The following ABTB3 variants were observed in gnomAD, a reference collection of about 807,000 sequenced individuals.
ABTB3 encodes ankyrin repeat and BTB domain containing 3.
At chr12:107,414,702 C>G in the ABTB3 span, among the ~76,000 whole-genome samples, 2 of 151,086 alleles carry the variant, frequency 1.3e-5, no homozygotes, top group Non-Finnish European at 2.9e-5. Flanking sequence ...CCATCCCCCC[C>G]TTTCTTTTCT....
chr12:107,441,094 G>T, the ABTB3 span, among the ~76,000 whole-genome samples: 1 of 152,128 alleles, frequency 6.6e-6, no homozygotes, highest in African/African-American at 2.4e-5. Context: ...GGGGTTGGTG[G>T]GCCTGTGATT....
chr12:107,596,709 G>A, the ABTB3 span, among the ~76,000 whole-genome samples: 1 of 152,066 alleles, frequency 6.6e-6, no homozygotes, highest in Admixed American at 6.6e-5. Context: ...AAAACCCCTA[G>A]AGTTTTCCCC....
At chr12:107,320,619 C>A in the ABTB3 span, 2 of 455,978 alleles carry the variant, frequency 4.4e-6, no homozygotes, top group Non-Finnish European at 8.8e-6. Flanking sequence ...GCTTGCACGG[C>A]CTAGACAGTC....
chr12:107,597,768 G>T, the ABTB3 span, among the ~76,000 whole-genome samples: 1 of 152,300 alleles, frequency 6.6e-6, no homozygotes, highest in African/African-American at 2.4e-5. Flanking sequence ...ATTGCAGGCT[G>T]GTGGGGTGAC....
At chr12:107,362,688 G>A in the ABTB3 span, among the ~76,000 whole-genome samples, 4 of 152,056 alleles carry the variant, frequency 2.6e-5, no homozygotes, top group Admixed American at 6.6e-5. Flanking sequence ...AGCTACTTGG[G>A]AGTCTGAGGT....
At chr12:107,332,687 C>T in the ABTB3 span, among the ~76,000 whole-genome samples, 3 of 152,034 alleles carry the variant, frequency 2.0e-5, no homozygotes, top group East Asian at 1.9e-4. Flanking sequence ...CAGCAGAGGC[C>T]GGGGTTGAAC....
the ABTB3 span, among the ~76,000 whole-genome samples, chr12:107,525,355 G>C: frequency 9.4e-6 from 1 of 106,566 alleles, no homozygotes; most frequent in South Asian, 3.1e-4. Context: ...AAAAAAGAAA[G>C]AAAGAAGGAA....
At chr12:107,402,060 A>G in the ABTB3 span, among the ~76,000 whole-genome samples, 1 of 151,992 alleles carries the variant, frequency 6.6e-6, no homozygotes, top group South Asian at 2.1e-4. Flanking sequence ...AATTATGATA[A>G]CAGCCACCAT....
At chr12:107,480,620 A>G in the ABTB3 span, among the ~76,000 whole-genome samples, 2 of 152,184 alleles carry the variant, frequency 1.3e-5, no homozygotes, top group African/African-American at 4.8e-5. Flanking sequence ...AAGATCTGAA[A>G]GAATTAAGCC....
the ABTB3 span, among the ~76,000 whole-genome samples, chr12:107,557,181 T>C: frequency 6.6e-6 from 1 of 152,204 alleles, no homozygotes; most frequent in African/African-American, 2.4e-5. Flanking sequence ...TGTGGGAACA[T>C]TGTAGAGTGT....
chr12:107,633,126 C>G, the ABTB3 span, among the ~76,000 whole-genome samples: 2 of 152,196 alleles, frequency 1.3e-5, no homozygotes, highest in Non-Finnish European at 2.9e-5. Flanking sequence ...TTTGTCCCCC[C>G]AGAATTTAAA....
the ABTB3 span, among the ~76,000 whole-genome samples, chr12:107,341,840 G>A: frequency 6.6e-6 from 1 of 152,110 alleles, no homozygotes; most frequent in Non-Finnish European, 1.5e-5. Flanking sequence ...CCTTTTAAAA[G>A]GGTGTGGCAC....
At chr12:107,602,227 A>T in the ABTB3 span, among the ~76,000 whole-genome samples, 1 of 152,158 alleles carries the variant, frequency 6.6e-6, no homozygotes, top group East Asian at 1.9e-4. Flanking sequence ...TCACAAAACC[A>T]TGCTGGACAG....
the ABTB3 span, among the ~76,000 whole-genome samples, chr12:107,493,960 A>C: frequency 3.3e-5 from 5 of 152,212 alleles, no homozygotes; most frequent in African/African-American, 9.6e-5. Context: ...GGAGACAAGA[A>C]ATGTCTGTTG....
chr12:107,541,858 C>T, the ABTB3 span, among the ~76,000 whole-genome samples: 15 of 151,906 alleles, frequency 9.9e-5, no homozygotes, highest in South Asian at 4.2e-4. Context: ...CACACTCCTG[C>T]GACATGCAAT....
At chr12:107,473,274 G>A in the ABTB3 span, among the ~76,000 whole-genome samples, 1 of 152,104 alleles carries the variant, frequency 6.6e-6, no homozygotes, top group Non-Finnish European at 1.5e-5. Flanking sequence ...ATTCAAGCAT[G>A]GCCAACCCCC....
chr12:107,386,713 G>C, the ABTB3 span, among the ~76,000 whole-genome samples: 1 of 152,148 alleles, frequency 6.6e-6, no homozygotes, highest in Non-Finnish European at 1.5e-5. Context: ...GCACACCAGG[G>C]TGGGTGTCCC....
At chr12:107,620,184 G>T in the ABTB3 span, 10 of 1,612,418 alleles carry the variant, frequency 6.2e-6, no homozygotes, top group East Asian at 2.2e-4. Flanking sequence ...GTTTGAGGTT[G>T]TTGTGGTCAT....
chr12:107,628,460 A>G, the ABTB3 span, among the ~76,000 whole-genome samples: 19,371 of 152,166 alleles, frequency 0.13, 1,764 homozygotes, highest in African/African-American at 0.25. Context: ...GTTTCTTGAC[A>G]TGGATTAAGA....
Sources: allele counts gnomAD v4.1 joint callset (sites outside exome capture counted in the v4.1 genomes callset), GRCh38; gene constraint gnomAD v4.1.1; transcripts MANE v1.5; gene names NCBI Gene and HGNC (gene_info 2026-07-23, HGNC 2026-07-21).